Variants in COL4A4 observed in about 807,000 individuals in gnomAD.
COL4A4 encodes the protein collagen alpha-4(IV) chain.
Under a neutral mutation model 192.9 loss-of-function variants are expected in COL4A4, and 105 were observed. That is an observed-to-expected ratio of 0.54 (90% CI 0.46 to 0.64). The LOEUF is 0.64. Ranked by LOEUF, COL4A4 falls within the 30% of genes least tolerant of loss-of-function variation. The pLI, the probability that COL4A4 is intolerant of heterozygous loss-of-function variation, is 0.00. For synonymous variants in COL4A4, 762 were observed against 769.9 expected (o/e 0.99, Z 0.17); for missense variants, 1,967 against 2,169.3 (o/e 0.91, Z 1.85).
At chr2:227,098,402 G>A (rs2060320748) in intron 19 of COL4A4, among the ~76,000 whole-genome samples, 1 of 152,128 alleles carries the variant, frequency 6.6e-6, no homozygotes, top group Non-Finnish European at 1.5e-5. Context: ...ATGTTCTGGG[G>A]TGCAGCTGAG....
intron 17 of COL4A4, 93 bp downstream of exon 17, chr2:227,101,411 G>T: frequency 9.7e-7 from 1 of 1,034,936 alleles, no homozygotes; most frequent in Non-Finnish European, 1.4e-6. Flanking sequence ...TTACATTCTT[G>T]AATGATTCCT....
chr2:227,094,181 G>A lies in COL4A4; in HGVS notation c.1313C>T (p.Pro438Leu), dbSNP rs201932355. Residue 438 changes from proline to leucine, a missense_variant, in exon 20 of 48, where the codon CCA becomes CTA. Pro to Leu is a moderately conservative substitution (Grantham distance 98). Coordinates refer to ENST00000396625, the MANE Select transcript of COL4A4 (RefSeq NM_000092.5). The stretch of plus-strand genomic sequence containing the variant: ...TGCTCCAGGCAAGCCAGGTGATCCT[G>A]GCTTCCCTGGTTTTCCTGGAGCAGA... ...PDSAPGKPGK[P>L]GSPGLPGAPG... 2 of 1,613,696 alleles carry A rather than the reference G, an allele frequency of 1.2e-6. No individual in the cohort carries two copies. The highest frequency in any genetic ancestry group is 2.2e-5 in the East Asian group (1 of 44,874).
the COL4A4 span, among the ~76,000 whole-genome samples, chr2:226,987,366 C>T: frequency 0.012 from 1,771 of 152,176 alleles, 19 homozygotes; most frequent in Non-Finnish European, 0.019. Flanking sequence ...GATGGGAGGA[C>T]GGCACTGAAG....
intron 8 of COL4A4, among the ~76,000 whole-genome samples, chr2:227,113,578 G>A (rs933868295): frequency 1.3e-5 from 2 of 151,366 alleles, no homozygotes; most frequent in African/African-American, 4.9e-5. Flanking sequence ...AGGAGGTTAA[G>A]GGAGTTGCTT....
intron 44 of COL4A4, among the ~76,000 whole-genome samples, chr2:227,021,418 C>T (rs1020353686): frequency 2.6e-5 from 4 of 152,130 alleles, no homozygotes; most frequent in African/African-American, 7.2e-5. Context: ...ATCAAGTAGG[C>T]AGCTATTAAT....
At chr2:227,150,089 A>G (rs760284926) in intron 1 of COL4A4, among the ~76,000 whole-genome samples, 2 of 152,162 alleles carry the variant, frequency 1.3e-5, no homozygotes, top group Non-Finnish European at 2.9e-5. Flanking sequence ...TTCTCAATAT[A>G]TATTGGTTGG....
chr2:227,140,230 C>G lies in COL4A4; in HGVS notation c.123G>C (p.Lys41Asn), dbSNP rs1162611784. The change falls in exon 4 of 48, where the codon AAG (lysine) becomes AAC (asparagine). Residue 41 changes from lysine (K) to asparagine (N), a missense_variant. By Grantham distance (94) the Lys-to-Asn change is moderately conservative. Coordinates refer to ENST00000396625, the MANE Select transcript of COL4A4 (RefSeq NM_000092.5). ...TTCCTCCACAAGGACCAATGTATTT[C>G]TTTCCACTCTGGAAAGTGAAGCATC... ...FSVQYVYGSG[K>N]KYIGPCGGRD... The G allele has an allele frequency of 1.9e-6, 3 of 1,614,078 alleles. No individual in the cohort carries two copies. The Admixed American group carries it at 5.0e-5, about 27-fold the overall frequency.
chr2:227,038,666 G>C (rs145331189), intron 37 of COL4A4, among the ~76,000 whole-genome samples: 142 of 152,304 alleles, frequency 9.3e-4, no homozygotes, highest in African/African-American at 3.3e-3. Context: ...GTTTAAATCT[G>C]ATTGAACACA....
intron 4 of COL4A4, among the ~76,000 whole-genome samples, chr2:227,136,250 G>T (rs1262652956): frequency 1.3e-5 from 2 of 152,178 alleles, no homozygotes; most frequent in Non-Finnish European, 2.9e-5. Context: ...AAGCAGGTAA[G>T]CAGCTTGCTA....
rs1465250613 is a variant in COL4A4 at position 227,006,275 on chromosome 2, A to G, written c.*1050T>C. 2 of 152,566 alleles carry G rather than the reference A, an allele frequency of 1.3e-5. No individual in the cohort carries two copies. Among genetic ancestry groups the G allele is most frequent in the Admixed American group, 1.3e-4 (2 of 15,270 alleles). 9.5% of individuals were successfully genotyped at this position (152,566 alleles called of 1,614,324 possible). Reference sequence around the variant, plus strand: ...CTGTCACGTCCCTGTGTGAGCTGCCATTATGTGTGTGGAGCAAAGTGTCCG... The same window carrying G: ...CTGTCACGTCCCTGTGTGAGCTGCCGTTATGTGTGTGGAGCAAAGTGTCCG... On this transcript the variant is annotated 3_prime_UTR_variant, in exon 48 of 48. Coordinates refer to ENST00000396625, the MANE Select transcript of COL4A4 (RefSeq NM_000092.5).
At chr2:227,094,322 T>C (rs747834864) in intron 19 of COL4A4, 33 bp from the exon 20 acceptor site, 54 of 1,602,220 alleles carry the variant, frequency 3.4e-5, no homozygotes, top group Non-Finnish European at 4.3e-5. Flanking sequence ...AAATTACATA[T>C]ACTCTCAGAG....
In COL4A4 at chr2:227,057,392, T is replaced by C. The variant is rs747518988; in HGVS notation, c.2545+47A>G. ...AAGAGTAAAAGGGGAGCTTATTTAA[T>C]TGTAAGTAGGGTAAGCCCCAGACCC... On this transcript the variant is annotated intron_variant, in intron 29 of 47. Transcript: ENST00000396625. The C allele has an allele frequency of 9.6e-6, 15 of 1,558,470 alleles. No homozygotes were observed. The Admixed American group carries it at 2.1e-4, about 22-fold the overall frequency.
chr2:227,104,067 C>T lies in COL4A4; in HGVS notation c.736-15G>A. The T allele has an allele frequency of 6.3e-7, 1 of 1,591,716 alleles. No individual in the cohort carries two copies. The highest frequency in any genetic ancestry group is 1.3e-5 in the African/African-American group (1 of 74,416). On this transcript the variant is annotated splice_polypyrimidine_tract_variant and intron_variant, in intron 12 of 47. Transcript: ENST00000396625. ...CCAACCTCACCCTTAAAAAAAAAAG[C>T]AAGATAATGAAAATTTCATATTAAT...
chr2:227,131,767 A>T (rs1047349516), intron 4 of COL4A4, among the ~76,000 whole-genome samples: 18 of 152,222 alleles, frequency 1.2e-4, no homozygotes, highest in Non-Finnish European at 7.3e-5. Context: ...ATGCTACTAC[A>T]TGCACCTTTA....
chr2:227,124,301 A>T (rs1192090104), intron 4 of COL4A4, among the ~76,000 whole-genome samples: 1 of 152,190 alleles, frequency 6.6e-6, no homozygotes, highest in Non-Finnish European at 1.5e-5. Flanking sequence ...TTTTAAAAGC[A>T]ATGGCAAAGA....
chr2:227,094,020 C>T, intron 20 of COL4A4, 105 bp downstream of exon 20: 1 of 1,108,056 alleles, frequency 9.0e-7, no homozygotes, highest in Non-Finnish European at 1.3e-6. Context: ...GCTCATGAAA[C>T]ATCATATAAC....
chr2:226,987,711 C>T, the COL4A4 span, among the ~76,000 whole-genome samples: 1 of 152,308 alleles, frequency 6.6e-6, no homozygotes, highest in South Asian at 2.1e-4. Flanking sequence ...TGGTGGACCC[C>T]AGATATGAAC....
At chr2:227,112,231 A>G (rs904022921) in intron 8 of COL4A4, among the ~76,000 whole-genome samples, 35 of 152,118 alleles carry the variant, frequency 2.3e-4, no homozygotes, top group African/African-American at 8.2e-4. Context: ...CTCTTTTTTT[A>G]AAATGTAAAA....
intron 28 of COL4A4, among the ~76,000 whole-genome samples, chr2:227,058,363 C>A (rs1377816210): frequency 6.6e-6 from 1 of 152,170 alleles, no homozygotes; most frequent in African/African-American, 2.4e-5. Context: ...TAACCTTCTT[C>A]CATTGAACAC....
Sources: allele counts gnomAD v4.1 joint callset (sites outside exome capture counted in the v4.1 genomes callset), GRCh38; gene constraint gnomAD v4.1.1; transcripts MANE v1.5; gene names NCBI Gene and HGNC (gene_info 2026-07-23, HGNC 2026-07-21).